The following ARID4B variants were observed in gnomAD, a reference collection of about 807,000 sequenced individuals.
ARID4B encodes the protein AT-rich interactive domain-containing protein 4B.
ARID4B carries 26 observed loss-of-function variants against 147.5 expected under a neutral mutation model. The ratio of observed to expected loss-of-function variants is 0.18; its 90% CI spans 0.13 to 0.24. ARID4B has a LOEUF of 0.24. ARID4B is among the 10% of genes least tolerant of loss of function. The pLI, the probability that ARID4B is intolerant of heterozygous loss-of-function variation, is 1.00. For synonymous variants in ARID4B, 512 were observed against 507.9 expected, an observed-to-expected ratio of 1.01 and a Z score of -0.11; for missense variants, 1,179 against 1,511.5, an observed-to-expected ratio of 0.78 and a Z score of 3.65.
At chr1:235,223,431 A>G (rs1044009435) in intron 12 of ARID4B, among the ~76,000 whole-genome samples, 171 bp from the exon 13 acceptor site, 3 of 147,168 alleles carry the variant, frequency 2.0e-5, no homozygotes, top group African/African-American at 7.4e-5. Flanking sequence ...GTATATATAT[A>G]TATGAGAAAT....
intron 2 of ARID4B, among the ~76,000 whole-genome samples, chr1:235,314,319 G>A (rs2103286876): frequency 6.6e-6 from 1 of 152,262 alleles, no homozygotes; most frequent in Admixed American, 6.5e-5. Flanking sequence ...CAAGCACAGT[G>A]TAAAGCATTT....
intron 19 of ARID4B, among the ~76,000 whole-genome samples, chr1:235,183,004 G>T (rs1318416932): frequency 6.6e-6 from 1 of 151,800 alleles, no homozygotes; most frequent in Non-Finnish European, 1.5e-5. Context: ...CACGGTGATG[G>T]TTGTAACACT....
chr1:235,179,657 G>C (rs1250783217), intron 20 of ARID4B, among the ~76,000 whole-genome samples: 1 of 150,448 alleles, frequency 6.6e-6, no homozygotes, highest in Non-Finnish European at 1.5e-5. Flanking sequence ...TCAAGATTAA[G>C]ATTCAAAAGG....
chr1:235,312,056 G>A (rs758271630), intron 2 of ARID4B, among the ~76,000 whole-genome samples: 3 of 152,082 alleles, frequency 2.0e-5, no homozygotes, highest in Admixed American at 6.6e-5. Flanking sequence ...TTGGGAGGCC[G>A]AGGCAGGCAA....
intron 2 of ARID4B, among the ~76,000 whole-genome samples, chr1:235,288,693 T>C (rs1419396998): frequency 6.6e-6 from 1 of 152,236 alleles, no homozygotes; most frequent in Non-Finnish European, 1.5e-5. Context: ...CATGCCAGCT[T>C]CCTTGTGCAC....
chr1:235,251,166 A>C (rs1170882970), intron 6 of ARID4B, among the ~76,000 whole-genome samples: 1 of 152,118 alleles, frequency 6.6e-6, no homozygotes, highest in Non-Finnish European at 1.5e-5. Context: ...GTGAGGAAAG[A>C]AAGGATATTC....
chr1:235,236,860 A>G (rs374169120), intron 8 of ARID4B, among the ~76,000 whole-genome samples: 14 of 20,360 alleles, frequency 6.9e-4, no homozygotes, highest in Admixed American at 1.1e-3. Flanking sequence ...ATATATATAT[A>G]TATTTTTTTT....
intron 2 of ARID4B, among the ~76,000 whole-genome samples, chr1:235,279,856 C>T (rs1006518888): frequency 3.3e-5 from 5 of 152,164 alleles, no homozygotes; most frequent in Admixed American, 6.5e-5. Flanking sequence ...AGGAGCTTCC[C>T]GGGTTGTAAC....
At chr1:235,277,430 T>C (rs1266792968) in intron 2 of ARID4B, among the ~76,000 whole-genome samples, 4 of 151,350 alleles carry the variant, frequency 2.6e-5, no homozygotes, top group African/African-American at 7.3e-5. Context: ...TCCCAGCTAC[T>C]CGGGAGGCTG....
intron 5 of ARID4B, among the ~76,000 whole-genome samples, chr1:235,253,692 T>C (rs1202480618): frequency 2.0e-5 from 3 of 152,214 alleles, no homozygotes; most frequent in Non-Finnish European, 4.4e-5. Context: ...AGATATGGAA[T>C]GTATGACTAT....
intron 23 of ARID4B, among the ~76,000 whole-genome samples, chr1:235,171,895 G>A (rs552129664): frequency 2.6e-5 from 4 of 152,092 alleles, no homozygotes; most frequent in Admixed American, 6.6e-5. Flanking sequence ...ACCCACCGCA[G>A]CCTCCCAAAG....
chr1:235,220,712 A>T (rs1034249222), intron 14 of ARID4B, among the ~76,000 whole-genome samples, 167 bp from the exon 15 acceptor site: 12 of 152,100 alleles, frequency 7.9e-5, no homozygotes, highest in Non-Finnish European at 1.5e-4. Flanking sequence ...CAAAAAAAAA[A>T]TTTTGTCAAA....
At chr1:235,248,627 ATC>A (rs1435401889) in intron 6 of ARID4B, among the ~76,000 whole-genome samples, 12 of 152,200 alleles carry the variant, frequency 7.9e-5, no homozygotes, top group African/African-American at 2.9e-4. Context: ...TATTTTAAGT[ATC>A]TGTTAGTCAT....
At chr1:235,225,201 G>A (rs1292383525) in intron 11 of ARID4B, among the ~76,000 whole-genome samples, 1 of 152,054 alleles carries the variant, frequency 6.6e-6, no homozygotes, top group East Asian at 1.9e-4. Context: ...GCTCCTCAAG[G>A]TACTATAAAA....
chr1:235,236,878 T>A (rs1668646226), intron 8 of ARID4B, among the ~76,000 whole-genome samples: 1 of 63,140 alleles, frequency 1.6e-5, no homozygotes, highest in Non-Finnish European at 3.4e-5. Flanking sequence ...TTTTTTTTTT[T>A]TTTTTTTTTT....
At chr1:235,274,560 C>T (rs370518020) in intron 2 of ARID4B, among the ~76,000 whole-genome samples, 24 of 151,976 alleles carry the variant, frequency 1.6e-4, no homozygotes, top group African/African-American at 4.3e-4. Context: ...AAAGTATATA[C>T]CTTTTGAATT....
intron 20 of ARID4B, among the ~76,000 whole-genome samples, chr1:235,178,455 A>C (rs1558171226): frequency 6.6e-6 from 1 of 152,130 alleles, no homozygotes; most frequent in Non-Finnish European, 1.5e-5. Flanking sequence ...TAACATGCAT[A>C]CCATTTACAA....
chr1:235,279,412 AT>A (rs1363586933), intron 2 of ARID4B, among the ~76,000 whole-genome samples: 1 of 152,240 alleles, frequency 6.6e-6, no homozygotes, highest in African/African-American at 2.4e-5. Context: ...AGATATCAGG[AT>A]AGTGATAATG....
rs1668910655 is a variant in ARID4B at position 235,240,436 on chromosome 1, A to T, written c.462T>A (p.Ser154=). ...RRSNHIPEEE[S]SSSSSDEDED... is the part of the protein sequence containing the mutation. Reference sequence around the variant, plus strand: ...CATCTTCATCACTGGAGGATGATGAAGACTCTTCCTCTGGTCTAGGGAGAG... The same window carrying T: ...CATCTTCATCACTGGAGGATGATGATGACTCTTCCTCTGGTCTAGGGAGAG... The change falls in exon 8 of 24, where the codon TCT becomes TCA. Residue 154 remains serine, a synonymous_variant. Transcript: ENST00000264183. The T allele has an allele frequency of 6.2e-7, 1 of 1,613,410 alleles. No individual in the cohort carries two copies.
Sources: allele counts gnomAD v4.1 joint callset (sites outside exome capture counted in the v4.1 genomes callset), GRCh38; gene constraint gnomAD v4.1.1; transcripts MANE v1.5; gene names NCBI Gene and HGNC (gene_info 2026-07-23, HGNC 2026-07-21).